The following CLVS1 variants were observed in gnomAD, a reference collection of about 807,000 sequenced individuals.
CLVS1 encodes the protein clavesin 1, also known as clavesin-1.
In CLVS1, 10 loss-of-function variants were observed where a neutral mutation model predicts 33.1. That is an observed-to-expected ratio of 0.30 (90% CI 0.19 to 0.51). CLVS1 has a LOEUF of 0.51. Among genes scored for constraint, CLVS1 ranks in the 20% least tolerant of loss-of-function variants. The probability of loss-of-function intolerance (pLI) is 0.97; values close to 1 mark genes in which losing one functional copy is unlikely to be tolerated. For missense variants in CLVS1, 343 were observed against 433.4 expected, an observed-to-expected ratio of 0.79 and a Z score of 1.85; for synonymous variants, 163 against 166.1, an observed-to-expected ratio of 0.98 and a Z score of 0.14.
Position 61,459,607 on chromosome 8 carries a change from T to G in CLVS1, c.977+1065T>G, listed in dbSNP as rs73259318. Among the ~76,000 whole-genome samples the G allele has an allele frequency of 9.4e-3, 1,433 of 152,138 alleles. 11 individuals are homozygous for G. Among genetic ancestry groups the G allele is most frequent in the African/African-American group, 0.033 (1,367 of 41,482 alleles). The stretch of plus-strand genomic sequence containing the variant: ...GAGAACATAAGATGTGAAACCTGAT[T>G]TTTTAAGACTAAAATCCCCTTCAGC... On this transcript the variant is annotated intron_variant, in intron 5 of 5. Transcript: ENST00000325897.
chr8:61,475,220 A>C (rs1817876771), intron 5 of CLVS1, among the ~76,000 whole-genome samples: 3 of 152,126 alleles, frequency 2.0e-5, no homozygotes, highest in African/African-American at 7.2e-5. Context: ...GGTTGGTTCC[A>C]AGTCTTTGCT....
Position 61,300,227 on chromosome 8 carries a change from G to A in CLVS1, c.400G>A (p.Asp134Asn). Residue 134 changes from aspartate to asparagine, a missense_variant, in exon 2 of 6, where the codon GAC (aspartate) becomes AAC (asparagine). Physicochemically the swap from Asp to Asn is conservative, Grantham distance 23. Around this residue, in one of 4 missense-constraint regions of CLVS1, gnomAD observed 166 missense variants for 244.0 expected, o/e 0.68. Coordinates refer to ENST00000325897, the MANE Select transcript of CLVS1 (RefSeq NM_173519.3). The part of the protein sequence containing the change: ...DGFPGVLENR[D>N]HYGRKILLLF... ...GTTCCCCGGGGTGCTGGAAAACCGAGACCATTACGGCAGGAAGATTCTTTT... is the reference window on the plus strand; with the variant it reads ...GTTCCCCGGGGTGCTGGAAAACCGAAACCATTACGGCAGGAAGATTCTTTT... 6.2e-7 allele frequency: 1 copy of A among 1,614,000 alleles called. No homozygotes were observed. Among genetic ancestry groups the A allele is most frequent in the Non-Finnish European group, 8.5e-7 (1 of 1,179,956 alleles).
chr8:61,206,374 G>C (rs1310891970), intron 2 of CLVS1, among the ~76,000 whole-genome samples: 1 of 152,010 alleles, frequency 6.6e-6, no homozygotes, highest in African/African-American at 2.4e-5. Context: ...TGGTGTGTAT[G>C]GTAATGAATA....
chr8:61,024,211 T>A, the CLVS1 span, among the ~76,000 whole-genome samples: 1 of 152,216 alleles, frequency 6.6e-6, no homozygotes, highest in African/African-American at 2.4e-5. Context: ...CCCTTTAACA[T>A]TTCTGAAAAG....
rs549955338 is a variant in CLVS1, at chr8:61,240,894, G to GTTTTTTTTTTTTTTTTTTT, written c.-151-58766_-151-58765insTTTTTTTTTTTTTTTTTTT. 5.9e-4 allele frequency among the ~76,000 whole-genome samples: 77 copies of GTTTTTTTTTTTTTTTTTTT among 130,574 alleles called. 3 individuals carry two copies. Among genetic ancestry groups the GTTTTTTTTTTTTTTTTTTT allele is most frequent in the African/African-American group, 2.3e-3 (73 of 31,488 alleles). The allele number at this position is 130,574 out of a possible 152,430, so 85.7% of individuals were successfully genotyped here. On this transcript the variant is annotated intron_variant, in intron 2 of 2. Transcript: ENST00000522621. ...CTAAAATGAATGATGTTTGCTGTAGGTTTTTTTTTTTTTTTTTAAAATAGA... is the reference window on the plus strand; with the variant it reads ...CTAAAATGAATGATGTTTGCTGTAGGTTTTTTTTTTTTTTTTTTTTTTTTTTTTTTTTTTTTAAAATAGA...
At chr8:61,110,370 G>A (rs894098878) in intron 1 of CLVS1, among the ~76,000 whole-genome samples, 1 of 151,982 alleles carries the variant, frequency 6.6e-6, no homozygotes, top group Admixed American at 6.6e-5. Context: ...TTTTGAGACG[G>A]CTTCCTCAAT....
intron 2 of CLVS1, among the ~76,000 whole-genome samples, chr8:61,193,450 A>G (rs1361871243): frequency 6.6e-6 from 1 of 152,112 alleles, no homozygotes; most frequent in Non-Finnish European, 1.5e-5. Flanking sequence ...GCACACCAAC[A>G]TGGCACATGT....
At chr8:61,326,902 A>T (rs1225344032) in intron 2 of CLVS1, among the ~76,000 whole-genome samples, 3 of 152,198 alleles carry the variant, frequency 2.0e-5, no homozygotes, top group African/African-American at 2.4e-5. Flanking sequence ...CCACATTATA[A>T]ATGTAGCCAG....
intron 1 of CLVS1, among the ~76,000 whole-genome samples, chr8:61,074,360 G>GTATATATATATGTTATA (rs71245549): frequency 1.2e-3 from 115 of 92,314 alleles, no homozygotes; most frequent in African/African-American, 9.1e-3. Flanking sequence ...GTGTGTGTGT[G>GTATATATATATGTTATA]TATATATATA....
At chr8:61,287,505 T>C (rs1051352371), upstream of CLVS1, among the ~76,000 whole-genome samples, 1 of 152,212 alleles carries the variant, frequency 6.6e-6, no homozygotes, top group Non-Finnish European at 1.5e-5. Flanking sequence ...TGTCTTCTAT[T>C]CCTCTTGTGC....
chr8:61,283,786 G>A (rs1006887538), upstream of CLVS1, among the ~76,000 whole-genome samples: 4 of 152,128 alleles, frequency 2.6e-5, no homozygotes, highest in African/African-American at 9.7e-5. Flanking sequence ...ATCATGTCCT[G>A]GAAGTGAAGT....
At chr8:61,445,094 A>T (rs1226210173) in intron 3 of CLVS1, among the ~76,000 whole-genome samples, 1 of 152,182 alleles carries the variant, frequency 6.6e-6, no homozygotes, top group Non-Finnish European at 1.5e-5. Flanking sequence ...ATACAATTAC[A>T]TTGATTTCTA....
At chr8:61,275,658 A>G (rs1809548710) in intron 2 of CLVS1, among the ~76,000 whole-genome samples, 1 of 152,218 alleles carries the variant, frequency 6.6e-6, no homozygotes, top group Non-Finnish European at 1.5e-5. Context: ...CTTGAGTTCA[A>G]TCCCCCCACA....
intron 2 of CLVS1, among the ~76,000 whole-genome samples, chr8:61,217,314 C>G (rs1047696133): frequency 3.7e-4 from 56 of 152,100 alleles, no homozygotes; most frequent in Admixed American, 2.0e-4. Context: ...ATGAAAGGGG[C>G]TATAGTGCAG....
intron 5 of CLVS1, among the ~76,000 whole-genome samples, chr8:61,492,028 C>T (rs902360648): frequency 6.6e-6 from 1 of 152,110 alleles, no homozygotes; most frequent in Non-Finnish European, 1.5e-5. Context: ...TTTAGAACAG[C>T]GAGTGCTAGT....
At chr8:61,158,102 A>G (rs934982011) in intron 2 of CLVS1, among the ~76,000 whole-genome samples, 16 of 152,212 alleles carry the variant, frequency 1.1e-4, no homozygotes, top group African/African-American at 2.7e-4. Context: ...ACTATCATCT[A>G]TTCAGGTGAT....
intron 1 of CLVS1, among the ~76,000 whole-genome samples, chr8:61,065,082 C>T (rs1469142666): frequency 6.6e-6 from 1 of 152,178 alleles, no homozygotes; most frequent in Non-Finnish European, 1.5e-5. Context: ...ACAGTTGTCC[C>T]TCAGTATCTG....
At chr8:61,215,800 G>A (rs375521969) in intron 2 of CLVS1, among the ~76,000 whole-genome samples, 4 of 151,786 alleles carry the variant, frequency 2.6e-5, no homozygotes, top group African/African-American at 9.7e-5. Context: ...GAATTTAATT[G>A]ACAATAGGAG....
At chr8:61,170,136 C>A (rs1425313352) in intron 2 of CLVS1, among the ~76,000 whole-genome samples, 1 of 152,056 alleles carries the variant, frequency 6.6e-6, no homozygotes, top group Non-Finnish European at 1.5e-5. Context: ...ATACCATTAT[C>A]CCCCAATAGA....
Sources: gnomAD v4.1 joint callset for allele counts (sites outside exome capture counted in the v4.1 genomes callset) on GRCh38, gnomAD v4.1.1 for gene constraint, gnomAD v4.1.1 regional missense constraint, MANE v1.5 for transcripts, NCBI Gene and HGNC (gene_info 2026-07-23, HGNC 2026-07-21) for gene names.